The following PRRT3 variants were observed in gnomAD, a reference collection of about 807,000 sequenced individuals.
The protein encoded by PRRT3 is proline rich transmembrane protein 3, also known as proline-rich transmembrane protein 3.
Under a neutral mutation model 56.6 loss-of-function variants are expected in PRRT3, and 48 were observed. The ratio of observed to expected loss-of-function variants is 0.85; its 90% CI spans 0.67 to 1.08. The LOEUF (loss-of-function observed/expected upper bound fraction) is 1.08. PRRT3 is among the 50% of genes least tolerant of loss of function. The pLI, the probability that PRRT3 is intolerant of heterozygous loss-of-function variation, is 0.00. For synonymous variants in PRRT3, 641 were observed against 619.1 expected, an observed-to-expected ratio of 1.04 and a Z score of -0.52; for missense variants, 1,370 against 1,353.1, an observed-to-expected ratio of 1.01 and a Z score of -0.20.
At chr3:9,951,971 T>C (rs1388463922) in intron 1 of PRRT3, among the ~76,000 whole-genome samples, 1 of 152,194 alleles carries the variant, frequency 6.6e-6, no homozygotes, top group Non-Finnish European at 1.5e-5. Context: ...ACCCAAGAGA[T>C]GTGGGCACCT....
In PRRT3 at chr3:9,946,465, G is replaced by A; in HGVS notation, c.2708C>T (p.Ser903Phe). Reference protein sequence around the residue: ...DGAAAAASGSSLDSFSRGSLK... With the variant: ...DGAAAAASGSFLDSFSRGSLK... ...TGAACCCCTGGAGAAGCTGTCGAGG[G>A]AGCTGCCAGAAGCCGCAGCGGCTGC... Residue 903 changes from serine to phenylalanine, a missense_variant, in exon 4 of 4, where the codon TCC (serine) becomes TTC (phenylalanine). Ser to Phe is a radical substitution (Grantham distance 155). Coordinates refer to ENST00000412055, the MANE Select transcript of PRRT3 (RefSeq NM_207351.5). This position sits in a 1 kb window ranked among gnomAD's most constrained non-coding sequence, Gnocchi z 4.1. 1 of 1,567,604 alleles carries A rather than the reference G, an allele frequency of 6.4e-7. No homozygotes were observed. Among genetic ancestry groups the A allele is most frequent in the East Asian group, 2.4e-5 (1 of 41,728 alleles).
rs1264782878 is a variant in PRRT3 at position 9,946,922 on chromosome 3, T to C, written c.2251A>G (p.Ser751Gly). 1 of 1,540,398 alleles carries C rather than the reference T, an allele frequency of 6.5e-7. No homozygotes were observed. Among genetic ancestry groups the C allele is most frequent in the Non-Finnish European group, 8.7e-7 (1 of 1,148,524 alleles). The change falls in exon 4 of 4, where the codon AGC becomes GGC. Residue 751 changes from serine (S) to glycine (G), a missense_variant. Ser to Gly is a moderately conservative substitution (Grantham distance 56, BLOSUM62 0). Transcript: ENST00000412055. This position sits in a 1 kb window ranked among gnomAD's most constrained non-coding sequence, Gnocchi z 4.1. ...SNVGAGSLDI[S>G]KSLIRNPAES... ...GCCGGGTTGCGGATGAGGCTCTTGC[T>C]GATGTCCAAGCTGCCTGCACCAACG...
chr3:9,948,816 G>A lies in PRRT3; in HGVS notation c.1113C>T (p.Pro371=), dbSNP rs2085571400. 1.2e-6 allele frequency: 2 copies of A among 1,613,654 alleles called. No individual in the cohort carries two copies. The highest frequency in any genetic ancestry group is 1.7e-6 in the Non-Finnish European group (2 of 1,179,860). The change falls in exon 3 of 4, where the codon CCC becomes CCT. Residue 371 remains proline, a synonymous_variant. Transcript: ENST00000412055. ...GGTTTACAGCTGGGCCAGGGTCTGA[G>A]GGACCAGGGATGAGAGACTTGGGGG... ...PGTPKSLIPG[P]SDPGPAVNRT...
rs1357953249 is a variant in PRRT3, at chr3:9,946,605, G to A, written c.2568C>T (p.Pro856=). 1.4e-6 allele frequency: 2 copies of A among 1,399,916 alleles called. No individual in the cohort carries two copies. Among genetic ancestry groups the A allele is most frequent in the African/African-American group, 1.5e-5 (1 of 65,502 alleles). 86.7% of individuals were successfully genotyped at this position (1,399,916 alleles called of 1,614,324 possible). A position where few individuals can be genotyped will look rare whatever the true frequency, so the allele number is the denominator to read the frequency against. The change falls in exon 4 of 4, where the codon CCC becomes CCT. Residue 856 remains proline, a synonymous_variant. Coordinates refer to ENST00000412055, the MANE Select transcript of PRRT3 (RefSeq NM_207351.5). The surrounding 1 kb of genome is among the most constrained non-coding windows in gnomAD (Gnocchi z 4.1). ...GALRPRRGSH[P]KAELDDAGSS... ...AGCCAGCGTCGTCGAGCTCGGCTTTGGGATGGCTGCCCCGGCGCGGCCGCA... is the reference window on the plus strand; with the variant it reads ...AGCCAGCGTCGTCGAGCTCGGCTTTAGGATGGCTGCCCCGGCGCGGCCGCA...
rs147221827 is a variant in PRRT3 at position 9,951,545 on chromosome 3, A to G, written c.-58+777T>C. 3.1e-3 allele frequency among the ~76,000 whole-genome samples: 475 copies of G among 152,298 alleles called. 6 individuals carry two copies. The highest frequency in any genetic ancestry group is 0.011 in the African/African-American group (456 of 41,546). On this transcript the variant is annotated intron_variant, in intron 1 of 3. Transcript: ENST00000412055. ...AAAGCCTTGTTAGTTCATTTCTCAA[A>G]CATTCACGGAGCCCCATGGGCTGCT...
In PRRT3 at chr3:9,949,937, A is replaced by T. The variant is rs1421814996; in HGVS notation, c.179T>A (p.Val60Glu). The T allele has an allele frequency of 6.2e-7, 1 of 1,605,578 alleles. No homozygotes were observed. Reference protein sequence around the residue: ...SVGSEPQAFDVFPENPRADSH... With the variant: ...SVGSEPQAFDEFPENPRADSH... ...GTCAGCTCTGGGGTTCTCCGGGAAC[A>T]CGTCAAAGGCCTGGGGCTCTGAGCC... Residue 60 changes from valine (V) to glutamate (E), a missense_variant, in exon 2 of 4, where the codon GTG becomes GAG. Physicochemically the swap from Val to Glu is moderately radical, Grantham distance 121. Transcript: ENST00000412055. The surrounding 1 kb of genome is among the most constrained non-coding windows in gnomAD (Gnocchi z 4.5).
Position 9,948,912 on chromosome 3 carries a change from C to G in PRRT3, c.1017G>C (p.Glu339Asp). 6 of 1,569,258 alleles carry G rather than the reference C, an allele frequency of 3.8e-6. No homozygotes were observed. Among genetic ancestry groups the G allele is most frequent in the Non-Finnish European group, 5.2e-6 (6 of 1,156,992 alleles). The stretch of plus-strand genomic sequence containing the variant: ...GGTCTGCTCCATTCATTGCTGCTCT[C>G]TCTGAAATGACAAAGCAGTCATCAC... Reference protein sequence around the residue: ...SEAPDRPSKPERAAMNGADPI... With the variant: ...SEAPDRPSKPDRAAMNGADPI... Residue 339 changes from glutamate to aspartate, a missense_variant and splice_region_variant, in exon 3 of 4, where the codon GAG becomes GAC. Coordinates refer to ENST00000412055, the MANE Select transcript of PRRT3 (RefSeq NM_207351.5).
rs868073426 is a variant in PRRT3, at chr3:9,946,786, G to A, written c.2387C>T (p.Ala796Val). The A allele has an allele frequency of 1.9e-6, 3 of 1,547,950 alleles. No individual in the cohort carries two copies. The highest frequency in any genetic ancestry group is 1.7e-6 in the Non-Finnish European group (2 of 1,154,920). Residue 796 changes from alanine to valine, a missense_variant, in exon 4 of 4, where the codon GCG becomes GTG. Transcript: ENST00000412055. This position sits in a 1 kb window ranked among gnomAD's most constrained non-coding sequence, Gnocchi z 4.1. The part of the protein sequence containing the change: ...PGLSRNGVGP[A>V]PSLSELDLRP... ...CAGATCCAGCTCGCTCAGCGATGGC[G>A]CCGGTCCCACACCGTTGCGGGACAG...
rs749633520 is a variant in PRRT3 at position 9,947,605 on chromosome 3, G to A, written c.1568C>T (p.Thr523Ile). The A allele has an allele frequency of 1.2e-6, 2 of 1,600,302 alleles. No individual in the cohort carries two copies. Among genetic ancestry groups the A allele is most frequent in the East Asian group, 4.5e-5 (2 of 44,410 alleles). Reference protein sequence around the residue: ...ASALRSAYMLTDPYGSQARLG... With the variant: ...ASALRSAYMLIDPYGSQARLG... ...CCGCGCCTGCGAGCCGTAAGGGTCG[G>A]TAAGCATGTAGGCGGATCGCAGCGC... Residue 523 changes from threonine (T) to isoleucine (I), a missense_variant, in exon 4 of 4, where the codon ACC becomes ATC. Thr to Ile is a moderately conservative substitution (Grantham distance 89, BLOSUM62 -1). Coordinates refer to ENST00000412055, the MANE Select transcript of PRRT3 (RefSeq NM_207351.5). The surrounding 1 kb of genome is among the most constrained non-coding windows in gnomAD (Gnocchi z 9.2).
intron 3 of PRRT3, 184 bp from the exon 4 acceptor site, chr3:9,948,185 G>C (rs1289086069): frequency 2.0e-6 from 1 of 499,338 alleles, no homozygotes. Flanking sequence ...CACCCAGTAA[G>C]TGCTAAATGG....
chr3:9,951,645 C>T (rs1358110603), intron 1 of PRRT3, among the ~76,000 whole-genome samples: 6 of 152,150 alleles, frequency 3.9e-5, no homozygotes, highest in Non-Finnish European at 5.9e-5. Flanking sequence ...TGCGCTGAGA[C>T]GCCCCTAACA....
Position 9,946,155 on chromosome 3 carries a change from G to C in PRRT3, c.*72C>G. 3 of 1,526,730 alleles carry C rather than the reference G, an allele frequency of 2.0e-6. No homozygotes were observed. Among genetic ancestry groups the C allele is most frequent in the Non-Finnish European group, 2.6e-6 (3 of 1,135,716 alleles). The allele number at this position is 1,526,730 out of a possible 1,614,324, so 94.6% of individuals were successfully genotyped here. ...CTGGCCAGGATGCCCATTTTTTAAA[G>C]GCTCAACTGTCCCAGTAGGCCATGC... is the stretch of plus-strand genomic sequence containing the variant. On this transcript the variant is annotated 3_prime_UTR_variant, in exon 4 of 4. Coordinates refer to ENST00000412055, the MANE Select transcript of PRRT3 (RefSeq NM_207351.5). This position sits in a 1 kb window ranked among gnomAD's most constrained non-coding sequence, Gnocchi z 4.1.
chr3:9,948,039 G>GTGCTT, intron 3 of PRRT3, 38 bp from the exon 4 acceptor site: 1 of 1,290,644 alleles, frequency 7.7e-7, no homozygotes, highest in Non-Finnish European at 9.8e-7. Flanking sequence ...CATTTGAAAA[G>GTGCTT]TGCTTTTGAT....
chr3:9,946,756 G>A lies in PRRT3; in HGVS notation c.2417C>T (p.Pro806Leu). Reference sequence around the variant, plus strand: ...GCGGCTCAGGTTGATGGGCGATGGCGGCCGCAGATCCAGCTCGCTCAGCGA... The same window carrying A: ...GCGGCTCAGGTTGATGGGCGATGGCAGCCGCAGATCCAGCTCGCTCAGCGA... ...APSLSELDLR[P>L]PSPINLSRSI... is the part of the protein sequence containing the mutation. The change falls in exon 4 of 4, where the codon CCG becomes CTG. Residue 806 changes from proline (P) to leucine (L), a missense_variant. By Grantham distance (98) the Pro-to-Leu change is moderately conservative. Transcript: ENST00000412055. The surrounding 1 kb of genome is among the most constrained non-coding windows in gnomAD (Gnocchi z 4.1). 1.3e-6 allele frequency: 2 copies of A among 1,533,284 alleles called. No individual in the cohort carries two copies. The highest frequency in any genetic ancestry group is 1.7e-6 in the Non-Finnish European group (2 of 1,148,986). The allele number at this position is 1,533,284 out of a possible 1,614,324, so 95.0% of individuals were successfully genotyped here. A position where few individuals can be genotyped will look rare whatever the true frequency, so the allele number is the denominator to read the frequency against.
At position 9,947,323 on chromosome 3, in the gene PRRT3, A is replaced by C. The variant is rs1258624449; in HGVS notation, c.1850T>G (p.Leu617Arg). 4 of 1,603,124 alleles carry C rather than the reference A, an allele frequency of 2.5e-6. No individual in the cohort carries two copies. Among genetic ancestry groups the C allele is most frequent in the Admixed American group, 1.7e-5 (1 of 59,290 alleles). ...AWGAAVALGT[L>R]CLCRRRLLDG... ...CAGCAGGCGGCGACGGCACAGGCAG[A>C]GCGTGCCCAGAGCCACGGCCGCGCC... is the stretch of plus-strand genomic sequence containing the variant. The change falls in exon 4 of 4, where the codon CTC (leucine) becomes CGC (arginine). Residue 617 changes from leucine (L) to arginine (R), a missense_variant. Leu to Arg is a moderately radical substitution (Grantham distance 102, BLOSUM62 -2). Transcript: ENST00000412055. The surrounding 1 kb of genome is among the most constrained non-coding windows in gnomAD (Gnocchi z 9.2).
At chr3:9,948,061 C>G in intron 3 of PRRT3, 60 bp from the exon 4 acceptor site, 2 of 1,275,586 alleles carry the variant, frequency 1.6e-6, no homozygotes, top group Non-Finnish European at 2.0e-6. Context: ...TTGTATCACC[C>G]TCTAGTGTGG....
Position 9,946,368 on chromosome 3 carries a change from G to C in PRRT3, c.2805C>G (p.Pro935=). 2 of 1,609,952 alleles carry C rather than the reference G, an allele frequency of 1.2e-6. No homozygotes were observed. Among genetic ancestry groups the C allele is most frequent in the Non-Finnish European group, 1.7e-6 (2 of 1,177,968 alleles). ...GGGCAGGCAGTAGCTGTACCGTGCT[G>C]GGCAACTCATCTAGGGGCAGACTGT... ...SVDSLPLDEL[P]STVQLLPAPT... Residue 935 remains proline (P), a synonymous_variant, in exon 4 of 4, where the codon CCC becomes CCG. Coordinates refer to ENST00000412055, the MANE Select transcript of PRRT3 (RefSeq NM_207351.5). This position sits in a 1 kb window ranked among gnomAD's most constrained non-coding sequence, Gnocchi z 4.1.
At position 9,946,050 on chromosome 3, in the gene PRRT3, C is replaced by T. The variant is rs2085511564; in HGVS notation, c.*177G>A. On this transcript the variant is annotated 3_prime_UTR_variant, in exon 4 of 4. Transcript: ENST00000412055. The surrounding 1 kb of genome is among the most constrained non-coding windows in gnomAD (Gnocchi z 4.1). Reference sequence around the variant, plus strand: ...TTTCGCTATGTTCGAGACCAGGAGGCTGATCTCGAACTCCTGACCTCGTGT... The same window carrying T: ...TTTCGCTATGTTCGAGACCAGGAGGTTGATCTCGAACTCCTGACCTCGTGT... 1 of 930,044 alleles carries T rather than the reference C, an allele frequency of 1.1e-6. No individual in the cohort carries two copies. Among genetic ancestry groups the T allele is most frequent in the African/African-American group, 1.7e-5 (1 of 58,486 alleles). 57.6% of individuals were successfully genotyped at this position (930,044 alleles called of 1,614,324 possible). A position where few individuals can be genotyped will look rare whatever the true frequency, so the allele number is the denominator to read the frequency against.
In PRRT3 at chr3:9,947,479, G is replaced by T. The variant is rs778700714; in HGVS notation, c.1694C>A (p.Pro565Gln). 6.2e-7 allele frequency: 1 copy of T among 1,612,218 alleles called. No individual in the cohort carries two copies. The highest frequency in any genetic ancestry group is 1.3e-5 in the African/African-American group (1 of 74,912). Reference sequence around the variant, plus strand: ...CAGGAGTGGGTTTTGCAGCGGTGGCGGCAGCCCCGCGCCCAGGCCGAGCAG... The same window carrying T: ...CAGGAGTGGGTTTTGCAGCGGTGGCTGCAGCCCCGCGCCCAGGCCGAGCAG... ...LTLLGLGAGL[P>Q]PPLQNPLLLG... is the part of the protein sequence containing the mutation. Residue 565 changes from proline (P) to glutamine (Q), a missense_variant, in exon 4 of 4, where the codon CCG (proline) becomes CAG (glutamine). Transcript: ENST00000412055. This position sits in a 1 kb window ranked among gnomAD's most constrained non-coding sequence, Gnocchi z 9.2.
Sources: gnomAD v4.1 joint callset for allele counts (sites outside exome capture counted in the v4.1 genomes callset) on GRCh38, gnomAD v4.1.1 for gene constraint, Gnocchi (gnomAD v3.1) non-coding constraint, MANE v1.5 for transcripts, NCBI Gene and HGNC (gene_info 2026-07-23, HGNC 2026-07-21) for gene names.